The following MARCHF10 variants were observed in gnomAD, a reference collection of about 807,000 sequenced individuals.
The protein encoded by MARCHF10 is probable E3 ubiquitin-protein ligase MARCHF10.
In MARCHF10, 64 loss-of-function variants were observed where a neutral mutation model predicts 76.2. That is an observed-to-expected ratio of 0.84 (90% CI 0.69 to 1.03). The LOEUF is 1.03. Ranked by LOEUF, MARCHF10 falls within the 50% of genes least tolerant of loss-of-function variation. The probability of loss-of-function intolerance (pLI) is 0.00; values close to 1 mark genes in which losing one functional copy is unlikely to be tolerated. For missense variants in MARCHF10, 875 were observed against 958.0 expected (o/e 0.91, Z 1.14); for synonymous variants, 340 against 357.5 (o/e 0.95, Z 0.55).
chr17:62,788,836 G>T (rs1277494203), intron 2 of MARCHF10, among the ~76,000 whole-genome samples: 1 of 151,688 alleles, frequency 6.6e-6, no homozygotes, highest in Non-Finnish European at 1.5e-5. Flanking sequence ...GGCCGAGGCG[G>T]GTGGATCATG....
intron 2 of MARCHF10, among the ~76,000 whole-genome samples, chr17:62,793,653 C>T (rs552032757): frequency 1.3e-5 from 2 of 148,610 alleles, no homozygotes; most frequent in East Asian, 4.1e-4. Flanking sequence ...ACCACCATCA[C>T]ACCTCCATCA....
intron 9 of MARCHF10, among the ~76,000 whole-genome samples, chr17:62,709,861 C>T (rs923533369): frequency 3.3e-5 from 5 of 152,092 alleles, no homozygotes; most frequent in African/African-American, 4.8e-5. Context: ...TCAACGGCAC[C>T]GGGCCTGGGT....
At chr17:62,704,944 T>G in intron 10 of MARCHF10, 1 of 965,084 alleles carries the variant, frequency 1.0e-6, no homozygotes, top group Non-Finnish European at 1.2e-6. Context: ...TTTTCTCCAG[T>G]CGTTTTTTTT....
At chr17:62,735,381 CTT>C (rs976406567) in intron 6 of MARCHF10, 3 of 152,442 alleles carry the variant, frequency 2.0e-5, no homozygotes, top group Non-Finnish European at 4.4e-5. Flanking sequence ...CTCTCTCTCT[CTT>C]GCATGAAAAA....
intron 3 of MARCHF10, among the ~76,000 whole-genome samples, chr17:62,762,981 G>T (rs2092247085): frequency 6.6e-6 from 1 of 152,200 alleles, no homozygotes; most frequent in Admixed American, 6.5e-5. Flanking sequence ...GTGAATCCCA[G>T]CTCTTGCACA....
At chr17:62,788,127 T>C (rs551416231) in intron 3 of MARCHF10, among the ~76,000 whole-genome samples, 7 of 152,308 alleles carry the variant, frequency 4.6e-5, no homozygotes, top group South Asian at 4.2e-4. Flanking sequence ...GAGATGATGC[T>C]GTGCTTAAGA....
intron 8 of MARCHF10, among the ~76,000 whole-genome samples, chr17:62,719,193 T>C (rs1346752635): frequency 6.6e-6 from 1 of 152,242 alleles, no homozygotes; most frequent in East Asian, 1.9e-4. Flanking sequence ...ATCACAGATG[T>C]AATTTAAAAT....
In MARCHF10 at chr17:62,724,962, AC is replaced by A; in HGVS notation, c.2079del (p.Lys693AsnfsTer3). The A allele has an allele frequency of 6.2e-7, 1 of 1,612,038 alleles. No homozygotes were observed. The highest frequency in any genetic ancestry group is 2.2e-5 in the East Asian group (1 of 44,722). On this transcript the variant is annotated frameshift_variant, in exon 7 of 11. Transcript: ENST00000311269. LOFTEE classifies it high-confidence loss of function. ...CCTGATGTTATTTTCACTTTCAGCC[AC>A]TTTTTCAGGCACTCTTGATGAACAA... ...LQFVHQECLK[K>X]WLKVKITSGA...
intron 3 of MARCHF10, among the ~76,000 whole-genome samples, chr17:62,788,243 C>T (rs1008330639): frequency 1.3e-5 from 2 of 152,158 alleles, no homozygotes; most frequent in African/African-American, 4.8e-5. Context: ...GAAGAGTGAG[C>T]CCAACCATAG....
chr17:62,802,203 A>G (rs1452923217), intron 1 of MARCHF10, among the ~76,000 whole-genome samples: 1 of 152,118 alleles, frequency 6.6e-6, no homozygotes, highest in Non-Finnish European at 1.5e-5. Context: ...CAAAGCAGAC[A>G]CGACCCTCAT....
chr17:62,737,105 G>C lies in MARCHF10; in HGVS notation c.763C>G (p.Pro255Ala), dbSNP rs1252276348. 11 of 1,614,076 alleles carry C rather than the reference G, an allele frequency of 6.8e-6. No individual in the cohort carries two copies. Among genetic ancestry groups the C allele is most frequent in the Non-Finnish European group, 9.3e-6 (11 of 1,180,024 alleles). Residue 255 changes from proline to alanine, a missense_variant, in exon 6 of 11, where the codon CCA becomes GCA. By Grantham distance (27) the Pro-to-Ala change is conservative (BLOSUM62 -1). Coordinates refer to ENST00000311269, the MANE Select transcript of MARCHF10 (RefSeq NM_152598.4). ...PQVLSEFSGPPLTPTTVGGPR... is the reference protein window; with the variant it reads ...PQVLSEFSGPALTPTTVGGPR... The stretch of plus-strand genomic sequence containing the variant: ...CCTCCTACAGTGGTGGGTGTGAGTG[G>C]TGGCCCCGAGAACTCACTCAATACT...
Position 62,720,408 on chromosome 17 carries a change from C to T in MARCHF10, c.2214+2080G>A, listed in dbSNP as rs1036419171. Among the ~76,000 whole-genome samples, 4 of 152,178 alleles carry T rather than the reference C, an allele frequency of 2.6e-5. No individual in the cohort carries two copies. The East Asian group carries it at 7.7e-4, about 29-fold the overall frequency. Reference sequence around the variant, plus strand: ...GACTGTGAACTTCACAAGTGCTTCTCAGTTTCTCTATCCTCCCCCTCCCAC... The same window carrying T: ...GACTGTGAACTTCACAAGTGCTTCTTAGTTTCTCTATCCTCCCCCTCCCAC... On this transcript the variant is annotated intron_variant, in intron 8 of 10. Coordinates refer to ENST00000311269, the MANE Select transcript of MARCHF10 (RefSeq NM_152598.4).
At chr17:62,768,515 G>A (rs538679263) in intron 3 of MARCHF10, among the ~76,000 whole-genome samples, 12 of 152,256 alleles carry the variant, frequency 7.9e-5, no homozygotes, top group African/African-American at 2.9e-4. Flanking sequence ...GCAAAATTCC[G>A]TCTCAAAAGA....
intron 3 of MARCHF10, among the ~76,000 whole-genome samples, chr17:62,781,194 G>A (rs912020405): frequency 1.3e-5 from 2 of 152,166 alleles, no homozygotes; most frequent in African/African-American, 4.8e-5. Context: ...ATATTAGGTT[G>A]GCTTTTAAAA....
chr17:62,801,798 C>T (rs1017641463), intron 1 of MARCHF10, 46 bp from the exon 2 acceptor site: 66 of 1,309,438 alleles, frequency 5.0e-5, no homozygotes, highest in South Asian at 3.8e-4. Flanking sequence ...AGTCCTTTGT[C>T]GTGATGCCGT....
rs542001164 is a variant in MARCHF10, at chr17:62,718,513, G to A, written c.2214+3975C>T. 1.1e-4 allele frequency among the ~76,000 whole-genome samples: 16 copies of A among 152,322 alleles called. No individual in the cohort carries two copies. In the South Asian group the frequency reaches 3.3e-3, roughly 32 times the overall value. Reference sequence around the variant, plus strand: ...GGGCTGCACGGTGTTTGTGGTGTCAGTAGATTGCTCTGATAGATAGTATTC... The same window carrying A: ...GGGCTGCACGGTGTTTGTGGTGTCAATAGATTGCTCTGATAGATAGTATTC... On this transcript the variant is annotated intron_variant, in intron 8 of 10. Coordinates refer to ENST00000311269, the MANE Select transcript of MARCHF10 (RefSeq NM_152598.4).
At chr17:62,732,320 G>T (rs780219073) in intron 6 of MARCHF10, among the ~76,000 whole-genome samples, 1 of 152,160 alleles carries the variant, frequency 6.6e-6, no homozygotes, top group African/African-American at 2.4e-5. Flanking sequence ...TTACATCATC[G>T]CATATCAAAA....
intron 10 of MARCHF10, chr17:62,705,218 T>TC: frequency 2.3e-6 from 3 of 1,289,724 alleles, no homozygotes; most frequent in Non-Finnish European, 3.0e-6. Flanking sequence ...CCCCAAACTC[T>TC]CCAAGTGCTG....
chr17:62,789,988 T>C (rs553289919), intron 2 of MARCHF10, among the ~76,000 whole-genome samples: 1 of 152,194 alleles, frequency 6.6e-6, no homozygotes, highest in South Asian at 2.1e-4. Flanking sequence ...TGGAGGAAAA[T>C]ATCAATCCCT....
Sources: allele counts gnomAD v4.1 joint callset (sites outside exome capture counted in the v4.1 genomes callset), GRCh38; gene constraint gnomAD v4.1.1; transcripts MANE v1.5; gene names NCBI Gene and HGNC (gene_info 2026-07-23, HGNC 2026-07-21).